ASTN2: variants seen among roughly 807,000 people sequenced by gnomAD.
The protein encoded by ASTN2 is astrotactin 2.
ASTN2 carries 54 observed loss-of-function variants against 139.8 expected under a neutral mutation model. The ratio of observed to expected loss-of-function variants is 0.39; its 90% CI spans 0.31 to 0.48. The LOEUF (loss-of-function observed/expected upper bound fraction) is 0.48. Ranked by LOEUF, ASTN2 falls within the 20% of genes least tolerant of loss-of-function variation. The pLI is 0.95. For missense variants in ASTN2, 1,565 were observed against 1,725.1 expected (o/e 0.91, Z 1.64); for synonymous variants, 756 against 719.5 (o/e 1.05, Z -0.81).
intron 16 of ASTN2, among the ~76,000 whole-genome samples, chr9:116,671,801 A>G (rs1480393539): frequency 2.6e-5 from 4 of 152,330 alleles, no homozygotes; most frequent in Non-Finnish European, 4.4e-5. Context: ...ACCACCCTTA[A>G]GGAACTGAAT....
intron 19 of ASTN2, among the ~76,000 whole-genome samples, chr9:116,495,704 A>G (rs1849647189): frequency 6.6e-6 from 1 of 152,220 alleles, no homozygotes; most frequent in Admixed American, 6.5e-5. Context: ...CAAGTAGTCC[A>G]AAGTCATACT....
intron 3 of ASTN2, among the ~76,000 whole-genome samples, chr9:117,208,200 T>C (rs1404294167): frequency 2.6e-5 from 4 of 152,032 alleles, no homozygotes; most frequent in Non-Finnish European, 5.9e-5. Context: ...AATTAAATAA[T>C]AATTTTAAAT....
At chr9:117,132,639 A>T (rs527580263) in intron 4 of ASTN2, among the ~76,000 whole-genome samples, 6 of 152,248 alleles carry the variant, frequency 3.9e-5, no homozygotes, top group East Asian at 1.9e-4. Context: ...GGGAAGATTT[A>T]TGGAGGCAGT....
At chr9:117,149,726 AAAC>A (rs1485083926) in intron 3 of ASTN2, among the ~76,000 whole-genome samples, 1 of 152,216 alleles carries the variant, frequency 6.6e-6, no homozygotes, top group Non-Finnish European at 1.5e-5. Context: ...CTAAGAAAGA[AAAC>A]AACAAGCAAC....
intron 10 of ASTN2, among the ~76,000 whole-genome samples, chr9:116,951,422 C>T (rs1835560391): frequency 6.9e-6 from 1 of 145,200 alleles, no homozygotes; most frequent in African/African-American, 2.5e-5. Context: ...ACAGCATCAT[C>T]ACCAATCATG....
chr9:117,261,863 T>C (rs917211927), intron 2 of ASTN2, among the ~76,000 whole-genome samples: 17 of 152,200 alleles, frequency 1.1e-4, no homozygotes, highest in African/African-American at 4.1e-4. Flanking sequence ...AAGAAGGATC[T>C]TTTACTGTTG....
At chr9:116,667,979 T>G (rs1016214603) in intron 16 of ASTN2, among the ~76,000 whole-genome samples, 5 of 152,184 alleles carry the variant, frequency 3.3e-5, no homozygotes, top group African/African-American at 1.2e-4. Context: ...ATTCTATGGG[T>G]TTGTACAAAT....
In ASTN2 at chr9:116,699,331, C is replaced by T. The variant is rs746472238; in HGVS notation, c.2806+26440G>A. The T allele has an allele frequency of 6.2e-7, 1 of 1,614,196 alleles. No individual in the cohort carries two copies. The highest frequency in any genetic ancestry group is 8.5e-7 in the Non-Finnish European group (1 of 1,180,038). On this transcript the variant is annotated intron_variant, in intron 16 of 22. Coordinates refer to ENST00000313400, the MANE Select transcript of ASTN2 (RefSeq NM_001365068.1). The surrounding 1 kb of genome is among the most constrained non-coding windows in gnomAD (Gnocchi z 4.2). ...GATGCTGAGGGCACCGTCTACTTCA[C>T]CCAGGGCTTAGGCCTCAATCTGGAG...
intron 16 of ASTN2, among the ~76,000 whole-genome samples, chr9:116,667,187 C>T (rs974285091): frequency 2.0e-5 from 3 of 151,766 alleles, no homozygotes; most frequent in Non-Finnish European, 4.4e-5. Flanking sequence ...AACTCCTGAC[C>T]TCAAGTGATC....
At chr9:116,583,421 C>G (rs1481138792) in intron 19 of ASTN2, 1 of 152,100 alleles carries the variant, frequency 6.6e-6, no homozygotes, top group Non-Finnish European at 1.5e-5. Flanking sequence ...TCCTAAATTT[C>G]AAGAAGGCAG....
At chr9:116,654,273 G>T (rs1858086812) in intron 16 of ASTN2, among the ~76,000 whole-genome samples, 1 of 152,160 alleles carries the variant, frequency 6.6e-6, no homozygotes, top group Non-Finnish European at 1.5e-5. Context: ...TAGCTGCAAG[G>T]ACAGAATTGA....
Position 116,928,314 on chromosome 9 carries a change from A to G in ASTN2, c.1889+46894T>C, listed in dbSNP as rs536674072. Among the ~76,000 whole-genome samples, 9 of 152,296 alleles carry G rather than the reference A, an allele frequency of 5.9e-5. No individual in the cohort carries two copies. The East Asian group carries it at 1.7e-3, about 29-fold the overall frequency. On this transcript the variant is annotated intron_variant, in intron 10 of 22. Coordinates refer to ENST00000313400, the MANE Select transcript of ASTN2 (RefSeq NM_001365068.1). Reference sequence around the variant, plus strand: ...GCCAGTCAGCTGTGATTGACACCAAAGTCCAGCAATTTAACCATTACAGTA... The same window carrying G: ...GCCAGTCAGCTGTGATTGACACCAAGGTCCAGCAATTTAACCATTACAGTA...
intron 1 of ASTN2, among the ~76,000 whole-genome samples, chr9:117,327,872 C>T (rs1438277361): frequency 1.3e-5 from 2 of 152,182 alleles, no homozygotes; most frequent in Admixed American, 6.5e-5. Flanking sequence ...GTCCCAGGTA[C>T]TCTTTGACGG....
chr9:116,882,521 T>A (rs10983394), intron 10 of ASTN2, among the ~76,000 whole-genome samples: 56,734 of 151,894 alleles, frequency 0.37, 12,294 homozygotes, highest in South Asian at 0.49. Flanking sequence ...CTGAGAACAG[T>A]CATTATGTTT....
rs544262683 is a variant in ASTN2, at chr9:117,270,589, C to A, written c.630+20737G>T. ...ACCTTTCAATTATCCCCAAGGGATACCCCTGTACCTGGCATAAGGATGTTT... is the reference window on the plus strand; with the variant it reads ...ACCTTTCAATTATCCCCAAGGGATAACCCTGTACCTGGCATAAGGATGTTT... On this transcript the variant is annotated intron_variant, in intron 2 of 22. Transcript: ENST00000313400. Among the ~76,000 whole-genome samples, 4 of 152,328 alleles carry A rather than the reference C, an allele frequency of 2.6e-5. No individual in the cohort carries two copies. The East Asian group carries it at 7.7e-4, about 29-fold the overall frequency.
intron 1 of ASTN2, among the ~76,000 whole-genome samples, chr9:117,341,772 T>C (rs1829067332): frequency 6.6e-6 from 1 of 152,192 alleles, no homozygotes; most frequent in Non-Finnish European, 1.5e-5. Flanking sequence ...GAGAGGTCTC[T>C]GTGGAGTTCA....
At chr9:116,500,517 G>A (rs1849818422) in intron 19 of ASTN2, among the ~76,000 whole-genome samples, 5 of 152,174 alleles carry the variant, frequency 3.3e-5, no homozygotes, top group Admixed American at 3.3e-4. Context: ...GGCTAACAAG[G>A]AACCCACCCT....
At chr9:116,470,012 C>A (rs1848764828) in intron 20 of ASTN2, among the ~76,000 whole-genome samples, 1 of 151,854 alleles carries the variant, frequency 6.6e-6, no homozygotes, top group South Asian at 2.1e-4. Context: ...CGAGACCAGC[C>A]TGACCAACAT....
intron 10 of ASTN2, among the ~76,000 whole-genome samples, chr9:116,867,709 C>T (rs1201056816): frequency 6.6e-6 from 1 of 152,092 alleles, no homozygotes; most frequent in Non-Finnish European, 1.5e-5. Flanking sequence ...AATACAAAAG[C>T]TGTCCACTTT....
Sources: allele counts gnomAD v4.1 joint callset (sites outside exome capture counted in the v4.1 genomes callset), GRCh38; gene constraint gnomAD v4.1.1; non-coding constraint Gnocchi (gnomAD v3.1); transcripts MANE v1.5; gene names NCBI Gene and HGNC (gene_info 2026-07-23, HGNC 2026-07-21).